The following SEZ6L variants were observed in gnomAD, a reference collection of about 807,000 sequenced individuals.
SEZ6L encodes seizure related 6 homolog like.
In SEZ6L, 37 loss-of-function variants were observed where a neutral mutation model predicts 106.2. The ratio of observed to expected loss-of-function variants is 0.35; its 90% CI spans 0.27 to 0.46. The LOEUF is 0.46. Ranked by LOEUF, SEZ6L falls within the 20% of genes least tolerant of loss-of-function variation. The pLI is 1.00. For missense variants in SEZ6L, 1,172 were observed against 1,332.8 expected (o/e 0.88, Z 1.88); for synonymous variants, 541 against 570.4 (o/e 0.95, Z 0.73).
At chr22:26,212,010 A>G (rs571146189) in intron 1 of SEZ6L, among the ~76,000 whole-genome samples, 2 of 152,062 alleles carry the variant, frequency 1.3e-5, no homozygotes, top group Admixed American at 1.3e-4. Context: ...GATGGCTGGG[A>G]AAGATTTCCC....
At position 26,293,131 on chromosome 22, in the gene SEZ6L, A is replaced by G; in HGVS notation, c.820A>G (p.Thr274Ala). The G allele has an allele frequency of 1.3e-6, 2 of 1,554,946 alleles. No individual in the cohort carries two copies. Among genetic ancestry groups the G allele is most frequent in the Non-Finnish European group, 1.7e-6 (2 of 1,158,876 alleles). ...CATTATCACCACCACGGTCATCACC[A>G]CCGAGCAGGCACCAGGTATGCAGCC... ...STIITTTVIT[T>A]EQAPALCSVS... Residue 274 changes from threonine to alanine, a missense_variant, in exon 2 of 17, where the codon ACC becomes GCC. By Grantham distance (58) the Thr-to-Ala change is moderately conservative. Around this residue, in one of 4 missense-constraint regions of SEZ6L, gnomAD observed 494 missense variants for 445.8 expected, o/e 1.11. Transcript: ENST00000248933.
chr22:26,323,793 A>G (rs1426372267), intron 9 of SEZ6L, among the ~76,000 whole-genome samples: 7 of 152,144 alleles, frequency 4.6e-5, no homozygotes. Context: ...GATGATGATG[A>G]TGATGATAAA....
intron 1 of SEZ6L, among the ~76,000 whole-genome samples, chr22:26,249,523 C>T (rs1166477066): frequency 6.6e-6 from 1 of 151,006 alleles, no homozygotes; most frequent in Admixed American, 6.6e-5. Flanking sequence ...GAATAGTATT[C>T]GTGTGTGTGT....
intron 1 of SEZ6L, among the ~76,000 whole-genome samples, chr22:26,199,487 G>A (rs895509653): frequency 1.3e-5 from 2 of 152,158 alleles, no homozygotes; most frequent in Non-Finnish European, 2.9e-5. Flanking sequence ...ACAACTTAAA[G>A]GAGAGGCAAA....
rs372818466 is a variant in SEZ6L at position 26,296,496 on chromosome 22, C to T, written c.970-392C>T. Among the ~76,000 whole-genome samples the T allele has an allele frequency of 5.3e-5, 8 of 152,330 alleles. No homozygotes were observed. In the East Asian group the frequency reaches 7.7e-4, roughly 15 times the overall value. ...ATACATTCTGGTAGAATGCTTCTCC[C>T]GGCTCCCTGGAGATTGGATCTCAAG... is the stretch of plus-strand genomic sequence containing the variant. On this transcript the variant is annotated intron_variant, in intron 3 of 16. Coordinates refer to ENST00000248933, the MANE Select transcript of SEZ6L (RefSeq NM_021115.5).
intron 9 of SEZ6L, among the ~76,000 whole-genome samples, chr22:26,323,967 C>A (rs1303996956): frequency 6.6e-6 from 1 of 151,924 alleles, no homozygotes; most frequent in Non-Finnish European, 1.5e-5. Context: ...GAAACTGAGG[C>A]TGAGAGAGAT....
At chr22:26,222,705 T>C (rs2078512761) in intron 1 of SEZ6L, among the ~76,000 whole-genome samples, 1 of 152,190 alleles carries the variant, frequency 6.6e-6, no homozygotes, top group Non-Finnish European at 1.5e-5. Context: ...TGTGAAATGA[T>C]TTGAAAATGG....
intron 9 of SEZ6L, among the ~76,000 whole-genome samples, chr22:26,326,565 T>G (rs181755029): frequency 2.2e-4 from 33 of 152,294 alleles, no homozygotes; most frequent in African/African-American, 7.9e-4. Flanking sequence ...CTCCATGTAA[T>G]AGATGAGGAC....
intron 1 of SEZ6L, among the ~76,000 whole-genome samples, chr22:26,288,317 G>C (rs1257885152): frequency 6.6e-6 from 1 of 152,180 alleles, no homozygotes; most frequent in Non-Finnish European, 1.5e-5. Flanking sequence ...AAAGTCACCA[G>C]AGGAGTTTTT....
At chr22:26,211,923 C>A (rs934849037) in intron 1 of SEZ6L, among the ~76,000 whole-genome samples, 2 of 151,462 alleles carry the variant, frequency 1.3e-5, no homozygotes, top group Non-Finnish European at 2.9e-5. Flanking sequence ...TCATGCCCAC[C>A]CAAAATAAAT....
At chr22:26,332,380 C>T (rs1457069609) in intron 9 of SEZ6L, among the ~76,000 whole-genome samples, 2 of 151,754 alleles carry the variant, frequency 1.3e-5, no homozygotes, top group African/African-American at 4.8e-5. Context: ...GAACTCCTGA[C>T]CTCAGGTTAT....
intron 1 of SEZ6L, among the ~76,000 whole-genome samples, chr22:26,213,574 G>T (rs1467124146): frequency 1.3e-5 from 2 of 152,168 alleles, no homozygotes; most frequent in Non-Finnish European, 2.9e-5. Context: ...ACAACCCCTG[G>T]TTACTTTTAT....
At chr22:26,234,179 G>A (rs2078886271) in intron 1 of SEZ6L, among the ~76,000 whole-genome samples, 1 of 152,204 alleles carries the variant, frequency 6.6e-6, no homozygotes, top group Non-Finnish European at 1.5e-5. Context: ...AAGAGAGGGG[G>A]CAGGGGAGTC....
intron 9 of SEZ6L, among the ~76,000 whole-genome samples, chr22:26,317,093 C>G (rs894622824): frequency 6.6e-6 from 1 of 151,786 alleles, no homozygotes; most frequent in Non-Finnish European, 1.5e-5. Context: ...TTTAATGTGG[C>G]TGGAGCAAAG....
At chr22:26,229,834 GT>G (rs1333511407) in intron 1 of SEZ6L, among the ~76,000 whole-genome samples, 1 of 152,206 alleles carries the variant, frequency 6.6e-6, no homozygotes, top group East Asian at 1.9e-4. Context: ...GGCTAGGGCT[GT>G]TCAAAGCCAG....
At chr22:26,316,182 A>G (rs977601486) in intron 9 of SEZ6L, among the ~76,000 whole-genome samples, 2 of 152,208 alleles carry the variant, frequency 1.3e-5, no homozygotes, top group African/African-American at 4.8e-5. Context: ...TTGAGTGTCT[A>G]CTATCAACCA....
chr22:26,323,883 C>T (rs2082225023), intron 9 of SEZ6L, among the ~76,000 whole-genome samples: 1 of 152,082 alleles, frequency 6.6e-6, no homozygotes, highest in Non-Finnish European at 1.5e-5. Flanking sequence ...ACTCATTTCA[C>T]TCTCCAATGC....
intron 1 of SEZ6L, among the ~76,000 whole-genome samples, chr22:26,204,241 G>A (rs897124731): frequency 6.6e-6 from 1 of 152,136 alleles, no homozygotes; most frequent in African/African-American, 2.4e-5. Context: ...GGTCCCTCTT[G>A]GGACTCTTAA....
At chr22:26,202,829 G>A (rs778591643) in intron 1 of SEZ6L, among the ~76,000 whole-genome samples, 6 of 152,154 alleles carry the variant, frequency 3.9e-5, no homozygotes, top group Admixed American at 1.3e-4. Flanking sequence ...TGCATAGGAC[G>A]AGTCATTAGT....
Sources: gnomAD v4.1 joint callset for allele counts (sites outside exome capture counted in the v4.1 genomes callset) on GRCh38, gnomAD v4.1.1 for gene constraint, gnomAD v4.1.1 regional missense constraint, MANE v1.5 for transcripts, NCBI Gene and HGNC (gene_info 2026-07-23, HGNC 2026-07-21) for gene names.